The following GNA12 variants were observed in gnomAD, a reference collection of about 807,000 sequenced individuals.
GNA12 encodes the protein G protein subunit alpha 12.
In GNA12, 9 loss-of-function variants were observed where a neutral mutation model predicts 26.0. The ratio of observed to expected loss-of-function variants is 0.35; its 90% CI spans 0.21 to 0.60. The LOEUF (loss-of-function observed/expected upper bound fraction) is 0.60. GNA12 is among the 20% of genes least tolerant of loss of function. The pLI is 0.78. For synonymous variants in GNA12, 264 were observed against 219.6 expected (o/e 1.20, Z -1.79); for missense variants, 405 against 525.8 (o/e 0.77, Z 2.25).
chr7:2,742,221 C>T (rs1419613317), intron 2 of GNA12, among the ~76,000 whole-genome samples: 2 of 151,826 alleles, frequency 1.3e-5, no homozygotes, highest in African/African-American at 4.8e-5. Flanking sequence ...AGGGTTTTGC[C>T]CCATTTTGGC....
rs1283768122 is a variant in GNA12, at chr7:2,834,808, T to G, written c.309+9045A>C. Among the ~76,000 whole-genome samples, 3 of 152,190 alleles carry G rather than the reference T, an allele frequency of 2.0e-5. No individual in the cohort carries two copies. In the East Asian group the frequency reaches 5.8e-4, roughly 29 times the overall value. The stretch of plus-strand genomic sequence containing the variant: ...CAGTATAGTAACATGCGGTACAGGT[T>G]TGCAGTCTGGGAGCAATAGGCCTAG... On this transcript the variant is annotated intron_variant, in intron 1 of 3. Coordinates refer to ENST00000275364, the MANE Select transcript of GNA12 (RefSeq NM_007353.3).
intron 2 of GNA12, among the ~76,000 whole-genome samples, chr7:2,756,076 G>A (rs1375032318): frequency 6.6e-6 from 1 of 152,160 alleles, no homozygotes; most frequent in Non-Finnish European, 1.5e-5. Flanking sequence ...AAGTGACAGA[G>A]TTTATCATCG....
At chr7:2,753,737 TA>T (rs1328057309) in intron 2 of GNA12, among the ~76,000 whole-genome samples, 2 of 152,166 alleles carry the variant, frequency 1.3e-5, no homozygotes, top group African/African-American at 4.8e-5. Context: ...AGTGTATGTT[TA>T]ATTTTTTTTT....
chr7:2,837,259 C>T (rs561522923), intron 1 of GNA12, among the ~76,000 whole-genome samples: 2 of 152,156 alleles, frequency 1.3e-5, no homozygotes, highest in Non-Finnish European at 2.9e-5. Context: ...TTTGCTACCC[C>T]CTCCCATTCC....
Position 2,746,470 on chromosome 7 carries a change from C to T in GNA12, c.526-12969G>A, listed in dbSNP as rs1264135463. ...AAATAAAGATGTTCTTTGAAACCAACGAGAACAAAGACACAACATACCAGA... is the reference window on the plus strand; with the variant it reads ...AAATAAAGATGTTCTTTGAAACCAATGAGAACAAAGACACAACATACCAGA... On this transcript the variant is annotated intron_variant, in intron 2 of 3. Transcript: ENST00000275364. Among the ~76,000 whole-genome samples the T allele has an allele frequency of 2.0e-4, 30 of 152,110 alleles. No homozygotes were observed. In the East Asian group the frequency reaches 3.1e-3, roughly 16 times the overall value.
intron 2 of GNA12, among the ~76,000 whole-genome samples, chr7:2,754,258 G>C (rs1791182873): frequency 6.6e-6 from 1 of 152,192 alleles, no homozygotes; most frequent in South Asian, 2.1e-4. Context: ...GTCTTCTCGT[G>C]CTTATGTGCC....
At chr7:2,830,535 G>C (rs1027616801) in intron 1 of GNA12, among the ~76,000 whole-genome samples, 1 of 152,206 alleles carries the variant, frequency 6.6e-6, no homozygotes, top group African/African-American at 2.4e-5. Context: ...GGAATCTACA[G>C]GGCCTGAGCC....
intron 1 of GNA12, among the ~76,000 whole-genome samples, chr7:2,819,781 G>C (rs150386654): frequency 7.9e-4 from 120 of 152,328 alleles, no homozygotes; most frequent in Non-Finnish European, 1.3e-3. Flanking sequence ...CGTTATATTG[G>C]TGGGAACAGA....
intron 2 of GNA12, among the ~76,000 whole-genome samples, chr7:2,782,722 C>A (rs1417904506): frequency 1.3e-5 from 2 of 151,758 alleles, no homozygotes; most frequent in Non-Finnish European, 2.9e-5. Context: ...GATTTACCAG[C>A]CACCGTCACT....
chr7:2,773,126 A>G (rs1461199804), intron 2 of GNA12, among the ~76,000 whole-genome samples: 1 of 152,220 alleles, frequency 6.6e-6, no homozygotes, highest in Non-Finnish European at 1.5e-5. Context: ...TCAATGGGGA[A>G]GCAGCGGGAG....
chr7:2,776,474 T>C (rs1211969752), intron 2 of GNA12, among the ~76,000 whole-genome samples: 1 of 152,096 alleles, frequency 6.6e-6, no homozygotes, highest in Non-Finnish European at 1.5e-5. Flanking sequence ...AACGGGGAGT[T>C]AAAACCCTGG....
chr7:2,744,852 A>G (rs1790689925), intron 2 of GNA12, among the ~76,000 whole-genome samples: 1 of 152,250 alleles, frequency 6.6e-6, no homozygotes, highest in South Asian at 2.1e-4. Context: ...AAACCAAGGC[A>G]TGAGAACTAC....
intron 2 of GNA12, among the ~76,000 whole-genome samples, chr7:2,782,734 C>G (rs1792261268): frequency 6.6e-6 from 1 of 151,856 alleles, no homozygotes; most frequent in Admixed American, 6.6e-5. Context: ...ACCGTCACTT[C>G]AAACATGGTG....
intron 2 of GNA12, among the ~76,000 whole-genome samples, chr7:2,778,623 G>A (rs1294917962): frequency 6.6e-6 from 1 of 152,180 alleles, no homozygotes; most frequent in Non-Finnish European, 1.5e-5. Context: ...ATAGCTCATA[G>A]CCCACTGCTG....
intron 2 of GNA12, among the ~76,000 whole-genome samples, chr7:2,735,002 G>C (rs978913261): frequency 1.3e-5 from 2 of 152,208 alleles, no homozygotes; most frequent in African/African-American, 4.8e-5. Flanking sequence ...CGTGAGGCCG[G>C]TGGGGCAGCC....
At chr7:2,796,264 G>T (rs964396480) in intron 1 of GNA12, among the ~76,000 whole-genome samples, 1 of 152,132 alleles carries the variant, frequency 6.6e-6, no homozygotes, top group Non-Finnish European at 1.5e-5. Context: ...TTTAATTTAT[G>T]AATTAGGCAC....
At chr7:2,819,769 G>A (rs905160004) in intron 1 of GNA12, among the ~76,000 whole-genome samples, 8 of 152,204 alleles carry the variant, frequency 5.3e-5, no homozygotes, top group Non-Finnish European at 1.2e-4. Flanking sequence ...AGACCCCAAA[G>A]ACGTTATATT....
At chr7:2,807,438 A>G (rs1215744859) in intron 1 of GNA12, among the ~76,000 whole-genome samples, 1 of 152,196 alleles carries the variant, frequency 6.6e-6, no homozygotes, top group Non-Finnish European at 1.5e-5. Flanking sequence ...TGAAGGTATA[A>G]AGAACAATTT....
At chr7:2,796,895 T>A (rs1323446597) in intron 1 of GNA12, among the ~76,000 whole-genome samples, 1 of 152,170 alleles carries the variant, frequency 6.6e-6, no homozygotes, top group Non-Finnish European at 1.5e-5. Flanking sequence ...GACTAATGTT[T>A]CGAAATCAGC....
Sources: gnomAD v4.1 joint callset for allele counts (sites outside exome capture counted in the v4.1 genomes callset) on GRCh38, gnomAD v4.1.1 for gene constraint, MANE v1.5 for transcripts, NCBI Gene and HGNC (gene_info 2026-07-23, HGNC 2026-07-21) for gene names.